The following IFRD1 variants were observed in gnomAD, a reference collection of about 807,000 sequenced individuals.
The protein encoded by IFRD1 is interferon-related developmental regulator 1.
In IFRD1, 35 loss-of-function variants were observed where a neutral mutation model predicts 52.9. The ratio of observed to expected loss-of-function variants is 0.66; its 90% CI spans 0.51 to 0.88. IFRD1 has a LOEUF of 0.88. Ranked by LOEUF, IFRD1 falls within the 40% of genes least tolerant of loss-of-function variation. IFRD1 has a pLI of 0.00. For missense variants in IFRD1, 517 were observed against 550.8 expected (o/e 0.94, Z 0.61); for synonymous variants, 184 against 188.4 (o/e 0.98, Z 0.19).
intron 1 of IFRD1, among the ~76,000 whole-genome samples, chr7:112,451,878 A>G (rs1015812363): frequency 6.6e-6 from 1 of 152,190 alleles, no homozygotes; most frequent in African/African-American, 2.4e-5. Flanking sequence ...GCTGCCACTC[A>G]GAATGATATG....
intron 1 of IFRD1, among the ~76,000 whole-genome samples, chr7:112,438,100 T>C (rs1425115001): frequency 6.6e-6 from 1 of 152,142 alleles, no homozygotes; most frequent in East Asian, 1.9e-4. Flanking sequence ...TGATTAGATA[T>C]GGGGTTCTGG....
chr7:112,424,262 G>C (rs1794381409), intron 1 of IFRD1, among the ~76,000 whole-genome samples: 1 of 152,112 alleles, frequency 6.6e-6, no homozygotes, highest in Admixed American at 6.5e-5. Flanking sequence ...AGGTGGCAGA[G>C]AGTTCTGTTG....
intron 1 of IFRD1, among the ~76,000 whole-genome samples, chr7:112,432,726 C>T (rs959797656): frequency 6.6e-6 from 1 of 152,210 alleles, no homozygotes; most frequent in African/African-American, 2.4e-5. Context: ...TGTGGTCACA[C>T]TGCTGGCCAA....
At chr7:112,456,856 A>C (rs1795304871) in intron 3 of IFRD1, 58 bp from the exon 4 acceptor site, 4 of 1,552,112 alleles carry the variant, frequency 2.6e-6, no homozygotes, top group Non-Finnish European at 3.6e-6. Flanking sequence ...GATTTTAAAA[A>C]GTTATTTATT....
chr7:112,472,477 T>C, intron 10 of IFRD1, 130 bp downstream of exon 10: 1 of 1,020,996 alleles, frequency 9.8e-7, no homozygotes, highest in Non-Finnish European at 1.5e-6. Context: ...AGTAAACTTG[T>C]TTTTGAAAGT....
intron 1 of IFRD1, among the ~76,000 whole-genome samples, chr7:112,438,685 G>A (rs1794776617): frequency 6.6e-6 from 1 of 152,120 alleles, no homozygotes; most frequent in African/African-American, 2.4e-5. Flanking sequence ...CAAAAAAGAC[G>A]AGGCTGTGGA....
intron 11 of IFRD1, among the ~76,000 whole-genome samples, chr7:112,474,187 T>C (rs1324910035): frequency 6.6e-6 from 1 of 152,264 alleles, no homozygotes; most frequent in Non-Finnish European, 1.5e-5. Flanking sequence ...TTTTGGCCGT[T>C]GTGAATAGTG....
In IFRD1 at chr7:112,468,016, G is replaced by T; in HGVS notation, c.942G>T (p.Gln314His). The change falls in exon 9 of 12, where the codon CAG (glutamine) becomes CAT (histidine). Residue 314 changes from glutamine to histidine, a missense_variant. Transcript: ENST00000403825. The part of the protein sequence containing the change: ...FFYEDMESLT[Q>H]MLRALATDGN... ...ATGAAGACATGGAGTCCTTGACGCA[G>T]ATGCTTAGGGCCTTGGCAACAGATG... 6.2e-7 allele frequency: 1 copy of T among 1,614,040 alleles called. No individual in the cohort carries two copies. The highest frequency in any genetic ancestry group is 2.2e-5 in the East Asian group (1 of 44,866).
rs1308990451 is a variant in IFRD1 at position 112,476,385 on chromosome 7, T to C, written c.*866T>C. On this transcript the variant is annotated 3_prime_UTR_variant, in exon 12 of 12. Coordinates refer to ENST00000403825, the MANE Select transcript of IFRD1 (RefSeq NM_001550.4). ...TCAAGAATATTTCTGCTTGGCAACA[T>C]GCAGTGTGGCTCATGCCTATAATCA... The C allele has an allele frequency of 1.3e-5, 2 of 152,200 alleles. No individual in the cohort carries two copies. Among genetic ancestry groups the C allele is most frequent in the Admixed American group, 6.5e-5 (1 of 15,278 alleles). The allele number at this position is 152,200 out of a possible 1,614,324, so 9.4% of individuals were successfully genotyped here.
At chr7:112,439,525 G>A (rs2117251823) in intron 1 of IFRD1, among the ~76,000 whole-genome samples, 1 of 152,296 alleles carries the variant, frequency 6.6e-6, no homozygotes, top group Non-Finnish European at 1.5e-5. Flanking sequence ...AGGGGTAGGG[G>A]ATGGTAGGTG....
At chr7:112,450,373 A>C, upstream of IFRD1, 2 of 408,850 alleles carry the variant, frequency 4.9e-6, no homozygotes, top group East Asian at 5.5e-5. Context: ...GTGTGCAGGG[A>C]TTGGTTGGGA....
intron 1 of IFRD1, among the ~76,000 whole-genome samples, chr7:112,434,229 G>A (rs1242035610): frequency 2.0e-5 from 3 of 152,228 alleles, no homozygotes; most frequent in East Asian, 1.9e-4. Flanking sequence ...TGAGGTCCCC[G>A]TGGGGCTGCT....
intron 1 of IFRD1, among the ~76,000 whole-genome samples, chr7:112,440,568 G>A (rs966843966): frequency 6.6e-6 from 1 of 152,172 alleles, no homozygotes; most frequent in Non-Finnish European, 1.5e-5. Context: ...AATGATGAAT[G>A]AAATTTGGCA....
At chr7:112,430,416 T>C (rs1001719720) in intron 1 of IFRD1, among the ~76,000 whole-genome samples, 6 of 152,162 alleles carry the variant, frequency 3.9e-5, no homozygotes, top group African/African-American at 1.2e-4. Flanking sequence ...TGCTGAAGAC[T>C]GGAGCAGCAG....
At chr7:112,423,855 T>C (rs774994843) in intron 1 of IFRD1, among the ~76,000 whole-genome samples, 2 of 152,204 alleles carry the variant, frequency 1.3e-5, no homozygotes, top group Non-Finnish European at 2.9e-5. Context: ...ATTTATCATG[T>C]ACATCTGGAT....
At chr7:112,457,928 A>G (rs1203374962) in intron 4 of IFRD1, 2 of 152,188 alleles carry the variant, frequency 1.3e-5, no homozygotes, top group East Asian at 1.9e-4. Context: ...ATTTTGTTGT[A>G]AGTGAAACCT....
rs755612673 is a variant in IFRD1 at position 112,468,040 on chromosome 7, T to C, written c.966T>C (p.Asp322=). 6.2e-7 allele frequency: 1 copy of C among 1,614,064 alleles called. No individual in the cohort carries two copies. Among genetic ancestry groups the C allele is most frequent in the South Asian group, 1.1e-5 (1 of 91,084 alleles). ...AGATGCTTAGGGCCTTGGCAACAGA[T>C]GGAAATAAACACCGGGCCAAAGTGG... The part of the protein sequence containing the change: ...LTQMLRALAT[D]GNKHRAKVDK... Residue 322 remains aspartate, a synonymous_variant, in exon 9 of 12, where the codon GAT becomes GAC. Transcript: ENST00000403825.
intron 8 of IFRD1, among the ~76,000 whole-genome samples, chr7:112,466,363 G>A (rs887976409): frequency 2.0e-5 from 3 of 152,044 alleles, no homozygotes; most frequent in African/African-American, 7.2e-5. Flanking sequence ...AACTAAACTT[G>A]ATTGGGTTTT....
At chr7:112,466,976 GA>G (rs1320861974) in intron 8 of IFRD1, among the ~76,000 whole-genome samples, 1 of 152,098 alleles carries the variant, frequency 6.6e-6, no homozygotes, top group East Asian at 1.9e-4. Context: ...AACATTTGAA[GA>G]AAACATTTGT....
Sources: gnomAD v4.1 joint callset for allele counts (sites outside exome capture counted in the v4.1 genomes callset) on GRCh38, gnomAD v4.1.1 for gene constraint, MANE v1.5 for transcripts, NCBI Gene and HGNC (gene_info 2026-07-23, HGNC 2026-07-21) for gene names.